The following STON2 variants were observed in gnomAD, a reference collection of about 807,000 sequenced individuals.
The protein encoded by STON2 is stonin 2, also known as stonin-2.
Under a neutral mutation model 65.7 loss-of-function variants are expected in STON2, and 29 were observed. The observed-to-expected ratio is 0.44, with a 90% CI of 0.33 to 0.60. The LOEUF is 0.60. Among genes scored for constraint, STON2 ranks in the 20% least tolerant of loss-of-function variants. The probability of loss-of-function intolerance (pLI) is 0.03; values close to 1 mark genes in which losing one functional copy is unlikely to be tolerated. For missense variants in STON2, 1,054 were observed against 1,118.1 expected, an observed-to-expected ratio of 0.94 and a Z score of 0.82; for synonymous variants, 404 against 414.2, an observed-to-expected ratio of 0.98 and a Z score of 0.30.
chr14:81,356,071 T>A (rs1489582217), intron 4 of STON2, among the ~76,000 whole-genome samples: 1 of 152,240 alleles, frequency 6.6e-6, no homozygotes, highest in East Asian at 1.9e-4. Flanking sequence ...AGAGAGGGCA[T>A]TCCTGTCTTG....
chr14:81,392,332 T>A (rs761980394), intron 3 of STON2, among the ~76,000 whole-genome samples: 7 of 152,092 alleles, frequency 4.6e-5, no homozygotes, highest in African/African-American at 7.2e-5. Flanking sequence ...GAACCTGGGA[T>A]TTGGGCGCGG....
intron 3 of STON2, chr14:81,395,100 T>C (rs984851628): frequency 2.0e-5 from 3 of 152,162 alleles, no homozygotes; most frequent in African/African-American, 7.2e-5. Context: ...TGCCACAAAA[T>C]AAGAGATTTC....
intron 1 of STON2, among the ~76,000 whole-genome samples, chr14:81,430,201 T>C (rs1361138246): frequency 1.3e-5 from 2 of 152,182 alleles, no homozygotes; most frequent in African/African-American, 2.4e-5. Flanking sequence ...CTGTCTGAAT[T>C]CACAGCACTT....
intron 1 of STON2, among the ~76,000 whole-genome samples, chr14:81,432,488 T>C (rs1902263048): frequency 6.6e-6 from 1 of 152,184 alleles, no homozygotes. Flanking sequence ...TTGGTCTGAC[T>C]ATATGAAAAT....
intron 2 of STON2, among the ~76,000 whole-genome samples, chr14:81,420,752 T>C (rs567093236): frequency 6.6e-6 from 1 of 152,266 alleles, no homozygotes; most frequent in South Asian, 2.1e-4. Flanking sequence ...ATGGTATCTA[T>C]AAGAACAAAG....
chr14:81,382,234 A>T (rs1361354413), intron 3 of STON2, among the ~76,000 whole-genome samples: 1 of 151,966 alleles, frequency 6.6e-6, no homozygotes, highest in Non-Finnish European at 1.5e-5. Flanking sequence ...AAAAGAAAAG[A>T]AAAGAAAAGA....
chr14:81,367,162 T>C (rs1312441193), intron 4 of STON2, among the ~76,000 whole-genome samples: 1 of 151,920 alleles, frequency 6.6e-6, no homozygotes, highest in Non-Finnish European at 1.5e-5. Context: ...CGATAGCTCA[T>C]CTGAAAGCAT....
chr14:81,261,615 G>A lies in STON2; in HGVS notation c.*6799C>T, dbSNP rs1894148456. ...CAAATAGTCCCAGGATGTTTACTGA[G>A]TGTCCTCCTTCAATTTTCACAATAT... On this transcript the variant is annotated 3_prime_UTR_variant, in exon 8 of 8. Transcript: ENST00000614646. The A allele has an allele frequency of 1.6e-6, 1 of 622,106 alleles. No individual in the cohort carries two copies. Among genetic ancestry groups the A allele is most frequent in the Non-Finnish European group, 2.3e-6 (1 of 425,816 alleles). 38.5% of individuals were successfully genotyped at this position (622,106 alleles called of 1,614,324 possible).
At chr14:81,289,051 G>T (rs1895450946) in intron 5 of STON2, among the ~76,000 whole-genome samples, 2 of 152,086 alleles carry the variant, frequency 1.3e-5, no homozygotes, top group Admixed American at 6.5e-5. Flanking sequence ...CTATTCACCT[G>T]CCCACCAGGT....
chr14:81,270,816 C>A lies in STON2; in HGVS notation c.2638G>T (p.Val880Leu). Residue 880 changes from valine (V) to leucine (L), a missense_variant, in exon 7 of 8, where the codon GTG becomes TTG. By Grantham distance (32) the Val-to-Leu change is conservative. Transcript: ENST00000614646. ...CHLELGSDRE[V>L]PSRFANHVNV... ...ACGTGATTGGCAAATCTGGAAGGCA[C>A]TTCCCGGTCAGAGCCGAGTTCAAGG... 5.0e-6 allele frequency: 8 copies of A among 1,614,004 alleles called. No individual in the cohort carries two copies. The highest frequency in any genetic ancestry group is 6.8e-6 in the Non-Finnish European group (8 of 1,180,044).
At chr14:81,424,816 A>C (rs1291389264) in intron 2 of STON2, among the ~76,000 whole-genome samples, 1 of 152,186 alleles carries the variant, frequency 6.6e-6, no homozygotes, top group East Asian at 1.9e-4. Context: ...GAAAGACCAA[A>C]AGAAAAATTT....
rs1247307883 is a variant in STON2, at chr14:81,267,603, T to C, written c.*811A>G. ...TTTGGGAATTCACTGAGATTGAATC[T>C]ACCTCTTGAACTGAACATCATCTTA... On this transcript the variant is annotated 3_prime_UTR_variant, in exon 8 of 8. Coordinates refer to ENST00000614646, the MANE Select transcript of STON2 (RefSeq NM_001394390.1). 1 of 985,286 alleles carries C rather than the reference T, an allele frequency of 1.0e-6. No individual in the cohort carries two copies. Among genetic ancestry groups the C allele is most frequent in the Admixed American group, 6.1e-5 (1 of 16,272 alleles). The allele number at this position is 985,286 out of a possible 1,614,324, so 61.0% of individuals were successfully genotyped here.
chr14:81,427,927 C>T (rs979883472), intron 1 of STON2, among the ~76,000 whole-genome samples: 2 of 152,100 alleles, frequency 1.3e-5, no homozygotes, highest in Admixed American at 6.6e-5. Context: ...TAGATCTAAG[C>T]GATTAAGAGA....
chr14:81,344,399 A>G (rs986406557), intron 4 of STON2, among the ~76,000 whole-genome samples: 8 of 152,202 alleles, frequency 5.3e-5, no homozygotes, highest in African/African-American at 1.9e-4. Context: ...AAACACACAC[A>G]CTAATATAGC....
intron 4 of STON2, among the ~76,000 whole-genome samples, chr14:81,325,031 G>C (rs990988965): frequency 5.9e-5 from 9 of 152,088 alleles, no homozygotes; most frequent in Admixed American, 1.3e-4. Context: ...GCTCATGCTG[G>C]GCCAGCTAGT....
intron 5 of STON2, among the ~76,000 whole-genome samples, chr14:81,291,856 G>GGT (rs1316475612): frequency 3.5e-5 from 4 of 114,456 alleles, no homozygotes; most frequent in African/African-American, 1.4e-4. Flanking sequence ...ACTTAGCATG[G>GGT]GTACACACAC....
chr14:81,321,267 A>G (rs1359022359), intron 5 of STON2, among the ~76,000 whole-genome samples: 1 of 151,880 alleles, frequency 6.6e-6, no homozygotes, highest in Non-Finnish European at 1.5e-5. Flanking sequence ...GTGGTGGCTC[A>G]TGCCTGTAAC....
intron 5 of STON2, among the ~76,000 whole-genome samples, chr14:81,294,131 C>T (rs1335765252): frequency 6.6e-6 from 1 of 152,212 alleles, no homozygotes; most frequent in Non-Finnish European, 1.5e-5. Context: ...TTGCAGCAAC[C>T]ATGGCAGATA....
At chr14:81,393,975 A>T (rs1900198133) in intron 3 of STON2, among the ~76,000 whole-genome samples, 1 of 152,232 alleles carries the variant, frequency 6.6e-6, no homozygotes, top group South Asian at 2.1e-4. Context: ...GGATCACCTG[A>T]GGTCAAGGAG....
Sources: gnomAD v4.1 joint callset for allele counts (sites outside exome capture counted in the v4.1 genomes callset) on GRCh38, gnomAD v4.1.1 for gene constraint, MANE v1.5 for transcripts, NCBI Gene and HGNC (gene_info 2026-07-23, HGNC 2026-07-21) for gene names.